KCNV2: variants seen among roughly 807,000 people sequenced by gnomAD.
KCNV2 encodes potassium voltage-gated channel modifier subfamily V member 2, also known as potassium voltage-gated channel subfamily V member 2.
KCNV2 carries 65 observed loss-of-function variants against 37.0 expected under a neutral mutation model. That is an observed-to-expected ratio of 1.76 (90% CI 1.44 to 2.16). The LOEUF (loss-of-function observed/expected upper bound fraction) is 2.16, where lower values mean the gene tolerates loss of function less well. Among genes scored for constraint, KCNV2 ranks in the 30% most tolerant of loss-of-function variants. The pLI, the probability that KCNV2 is intolerant of heterozygous loss-of-function variation, is 0.00. For synonymous variants in KCNV2, 518 were observed against 328.6 expected, an observed-to-expected ratio of 1.58 and a Z score of -6.23; for missense variants, 1,232 against 766.7, an observed-to-expected ratio of 1.61 and a Z score of -7.17.
intron 1 of KCNV2, among the ~76,000 whole-genome samples, chr9:2,728,565 G>A (rs1241934875): frequency 6.6e-6 from 1 of 152,200 alleles, no homozygotes; most frequent in Non-Finnish European, 1.5e-5. Context: ...AGTATGACAA[G>A]AGTAATGGGA....
intron 1 of KCNV2, among the ~76,000 whole-genome samples, chr9:2,722,188 A>ATAGAAGTTATTTATTTATAAATAAAT (rs1563797738): frequency 4.1e-4 from 45 of 111,010 alleles, no homozygotes; most frequent in African/African-American, 8.4e-4. Context: ...TATAAATAAA[A>ATAGAAGTTATTTATTTATAAATAAAT]TAGAAGTTAT....
rs370054105 is a variant in KCNV2, at chr9:2,726,060, G to T, written c.1357-3386G>T. Among the ~76,000 whole-genome samples, 5 of 152,268 alleles carry T rather than the reference G, an allele frequency of 3.3e-5. No homozygotes were observed. The South Asian group carries it at 1.0e-3, about 32-fold the overall frequency. ...TCTTCAGTATATTAAGATGGATTGC[G>T]GAAATTTTGGTCACATTTCCAAACC... On this transcript the variant is annotated intron_variant, in intron 1 of 1. Transcript: ENST00000382082.
intron 1 of KCNV2, among the ~76,000 whole-genome samples, chr9:2,722,507 GTTAT>G (rs1478331571): frequency 1.6e-5 from 2 of 126,456 alleles, no homozygotes; most frequent in Non-Finnish European, 3.2e-5. Context: ...TTATAAATAA[GTTAT>G]TTATAAATAA....
intron 1 of KCNV2, among the ~76,000 whole-genome samples, chr9:2,725,644 A>G (rs1819957457): frequency 6.6e-6 from 1 of 152,222 alleles, no homozygotes; most frequent in Non-Finnish European, 1.5e-5. Context: ...GAGGCTTATA[A>G]TAATTTTATC....
At chr9:2,719,335 G>A (rs1819818632) in intron 1 of KCNV2, among the ~76,000 whole-genome samples, 1 of 152,086 alleles carries the variant, frequency 6.6e-6, no homozygotes, top group African/African-American at 2.4e-5. Context: ...TCTAGATTTC[G>A]TCTTCAAACC....
Position 2,718,207 on chromosome 9 carries a change from C to T in KCNV2, c.468C>T (p.Ala156=), listed in dbSNP as rs1225901452. Residue 156 remains alanine (A), a synonymous_variant, in exon 1 of 2, where the codon GCC becomes GCT. Transcript: ENST00000382082. The part of the protein sequence containing the change: ...TDEYFFDRDP[A]VFQLVYNFYL... Reference sequence around the variant, plus strand: ...AATACTTCTTCGACCGCGACCCGGCCGTCTTCCAGCTGGTCTACAATTTCT... The same window carrying T: ...AATACTTCTTCGACCGCGACCCGGCTGTCTTCCAGCTGGTCTACAATTTCT... 6.2e-7 allele frequency: 1 copy of T among 1,613,456 alleles called. No homozygotes were observed. Among genetic ancestry groups the T allele is most frequent in the South Asian group, 1.1e-5 (1 of 91,006 alleles).
At chr9:2,719,260 G>A (rs1819816784) in intron 1 of KCNV2, among the ~76,000 whole-genome samples, 165 bp downstream of exon 1, 1 of 152,102 alleles carries the variant, frequency 6.6e-6, no homozygotes, top group East Asian at 1.9e-4. Context: ...TGTCAAAAGT[G>A]GTGGAAAGAG....
rs535399096 is a variant in KCNV2, at chr9:2,719,208, C to A, written c.1356+113C>A. ...TGGCTTCTGATCCTCGTCTTCCCCC[C>A]CACCCCCAATCGCCGCATACAGCTA... On this transcript the variant is annotated intron_variant, in intron 1 of 1. Coordinates refer to ENST00000382082, the MANE Select transcript of KCNV2 (RefSeq NM_133497.4). The A allele has an allele frequency of 3.3e-6, 4 of 1,216,146 alleles. No individual in the cohort carries two copies. In the East Asian group the frequency reaches 7.6e-5, roughly 23 times the overall value. 75.3% of individuals were successfully genotyped at this position (1,216,146 alleles called of 1,614,324 possible).
rs761283518 is a variant in KCNV2, at chr9:2,718,695, T to A, written c.956T>A (p.Leu319Gln). ...CMGFFTLEYL[L>Q]RLASTPDLRR... is the part of the protein sequence containing the mutation. ...GGCTTCTTCACGCTCGAGTACCTGC[T>A]GCGCCTAGCCTCCACGCCCGACCTG... Residue 319 changes from leucine to glutamine, a missense_variant, in exon 1 of 2, where the codon CTG becomes CAG. Coordinates refer to ENST00000382082, the MANE Select transcript of KCNV2 (RefSeq NM_133497.4). 1 of 1,613,292 alleles carries A rather than the reference T, an allele frequency of 6.2e-7. No homozygotes were observed. Among genetic ancestry groups the A allele is most frequent in the South Asian group, 1.1e-5 (1 of 91,088 alleles).
At chr9:2,723,048 A>C (rs1273653525) in intron 1 of KCNV2, among the ~76,000 whole-genome samples, 1 of 152,212 alleles carries the variant, frequency 6.6e-6, no homozygotes, top group Non-Finnish European at 1.5e-5. Flanking sequence ...ATAGGAGGGC[A>C]CTGCAAAGTT....
chr9:2,724,906 G>A (rs1819945156), intron 1 of KCNV2, among the ~76,000 whole-genome samples: 1 of 152,188 alleles, frequency 6.6e-6, no homozygotes, highest in Non-Finnish European at 1.5e-5. Flanking sequence ...ATAAATATCT[G>A]GCACAGAAAG....
Position 2,718,772 on chromosome 9 carries a change from C to CCGCT in KCNV2, c.1035_1038dup (p.Tyr347AlafsTer26). 2 of 1,611,330 alleles carry CCGCT rather than the reference C, an allele frequency of 1.2e-6. No homozygotes were observed. Among genetic ancestry groups the CCGCT allele is most frequent in the Non-Finnish European group, 1.7e-6 (2 of 1,179,888 alleles). On this transcript the variant is annotated frameshift_variant, in exon 1 of 2. Coordinates refer to ENST00000382082, the MANE Select transcript of KCNV2 (RefSeq NM_133497.4). LOFTEE classifies it high-confidence loss of function. ...CCTGGTGGACCTGGTGGCCATCCTG[C>CCGCT]CGCTCTACCTTCAGCTGCTGCTCGA...
chr9:2,718,275 G>A lies in KCNV2; in HGVS notation c.536G>A (p.Arg179His), dbSNP rs767955052. 3.7e-6 allele frequency: 6 copies of A among 1,611,782 alleles called. No individual in the cohort carries two copies. The highest frequency in any genetic ancestry group is 1.3e-5 in the African/African-American group (1 of 74,928). The change falls in exon 1 of 2, where the codon CGC becomes CAC. Residue 179 changes from arginine to histidine, a missense_variant. Transcript: ENST00000382082. ...VLLVLDGLCP[R>H]RFLEELGYWG... ...CTGGTGCTCGACGGGCTGTGTCCGC[G>A]CCGCTTCCTGGAGGAGCTGGGCTAC...
chr9:2,725,912 A>C (rs1057020831), intron 1 of KCNV2, among the ~76,000 whole-genome samples: 1 of 152,208 alleles, frequency 6.6e-6, no homozygotes, highest in Non-Finnish European at 1.5e-5. Context: ...TTTGTTGTTT[A>C]GTGAGTAAAC....
intron 1 of KCNV2, among the ~76,000 whole-genome samples, chr9:2,723,491 T>G (rs963009178): frequency 6.6e-6 from 1 of 152,230 alleles, no homozygotes; most frequent in Non-Finnish European, 1.5e-5. Context: ...GACACTTATG[T>G]CTACAAATGC....
chr9:2,729,429 C>G lies in KCNV2; in HGVS notation c.1357-17C>G. The G allele has an allele frequency of 6.2e-7, 1 of 1,612,828 alleles. No individual in the cohort carries two copies. On this transcript the variant is annotated splice_polypyrimidine_tract_variant and intron_variant, in intron 1 of 1. Coordinates refer to ENST00000382082, the MANE Select transcript of KCNV2 (RefSeq NM_133497.4). The stretch of plus-strand genomic sequence containing the variant: ...TCTTAGTGCTAACAATTCCATCCTG[C>G]TTTCCTTCCTCTACAGGTGAGCATC...
chr9:2,726,382 A>G (rs1819968191), intron 1 of KCNV2, among the ~76,000 whole-genome samples: 1 of 152,186 alleles, frequency 6.6e-6, no homozygotes. Flanking sequence ...CTCTAAAAAT[A>G]GAGATTGAAG....
At chr9:2,719,723 T>A (rs1000149904) in intron 1 of KCNV2, among the ~76,000 whole-genome samples, 1 of 152,166 alleles carries the variant, frequency 6.6e-6, no homozygotes, top group Non-Finnish European at 1.5e-5. Context: ...GTACAGAGAG[T>A]TTGAATGTGG....
In KCNV2 at chr9:2,717,597, T is replaced by C. The variant is rs1013710173; in HGVS notation, c.-143T>C. ...AGAAGGGGCAGCTCCGGTGGCAATG[T>C]CTGAGCCCCTAGCTGTGCTGGTCCG... is the stretch of plus-strand genomic sequence containing the variant. On this transcript the variant is annotated 5_prime_UTR_variant, in exon 1 of 2. Transcript: ENST00000382082. 2.0e-4 allele frequency: 213 copies of C among 1,056,348 alleles called. No individual in the cohort carries two copies. The highest frequency in any genetic ancestry group is 2.9e-4 in the Non-Finnish European group (205 of 707,494). 65.4% of individuals were successfully genotyped at this position (1,056,348 alleles called of 1,614,324 possible). A position where few individuals can be genotyped will look rare whatever the true frequency, so the allele number is the denominator to read the frequency against.
Sources: gnomAD v4.1 joint callset for allele counts (sites outside exome capture counted in the v4.1 genomes callset) on GRCh38, gnomAD v4.1.1 for gene constraint, MANE v1.5 for transcripts, NCBI Gene and HGNC (gene_info 2026-07-23, HGNC 2026-07-21) for gene names.